The following NEK7 variants were observed in gnomAD, a reference collection of about 807,000 sequenced individuals.
NEK7 encodes NIMA related kinase 7, also known as serine/threonine-protein kinase Nek7.
Under a neutral mutation model 44.6 loss-of-function variants are expected in NEK7, and 18 were observed. The ratio of observed to expected loss-of-function variants is 0.40; its 90% CI spans 0.28 to 0.60. The LOEUF is 0.60. Ranked by LOEUF, NEK7 falls within the 20% of genes least tolerant of loss-of-function variation. NEK7 has a pLI of 0.38. For missense variants in NEK7, 256 were observed against 366.5 expected (o/e 0.70, Z 2.46); for synonymous variants, 130 against 121.1 (o/e 1.07, Z -0.48).
chr1:198,244,007 T>C (rs1558074454), intron 2 of NEK7, among the ~76,000 whole-genome samples: 1 of 147,228 alleles, frequency 6.8e-6, no homozygotes, highest in Non-Finnish European at 1.5e-5. Context: ...TGTAGGTGGG[T>C]AACACCTTTT....
At chr1:198,224,290 A>T (rs1046921527) in intron 1 of NEK7, among the ~76,000 whole-genome samples, 11 of 147,070 alleles carry the variant, frequency 7.5e-5, no homozygotes, top group African/African-American at 2.8e-4. Context: ...ATGTTTAGAT[A>T]CAAAAATACT....
chr1:198,309,495 G>C (rs1008467847), intron 9 of NEK7, among the ~76,000 whole-genome samples: 27 of 152,028 alleles, frequency 1.8e-4, no homozygotes, highest in African/African-American at 6.5e-4. Context: ...TGTGCACAAT[G>C]TGCAGGTTAG....
intron 5 of NEK7, among the ~76,000 whole-genome samples, chr1:198,275,539 T>C (rs1315629970): frequency 6.6e-6 from 1 of 151,252 alleles, no homozygotes; most frequent in African/African-American, 2.4e-5. Context: ...TATATAGGGC[T>C]GCCTTTTTTC....
chr1:198,263,991 GA>G (rs1275535428), intron 4 of NEK7, 133 bp from the exon 5 acceptor site: 5 of 803,118 alleles, frequency 6.2e-6, no homozygotes, highest in Non-Finnish European at 8.7e-6. Context: ...ATTCACTAAA[GA>G]AAAGTATACT....
intron 9 of NEK7, among the ~76,000 whole-genome samples, chr1:198,298,052 A>C (rs1047927857): frequency 3.3e-5 from 5 of 152,190 alleles, no homozygotes; most frequent in African/African-American, 1.2e-4. Flanking sequence ...GAATAGCAGT[A>C]TCTCAGGTCA....
Position 198,303,211 on chromosome 1 carries a change from A to G in NEK7, c.798+5971A>G, listed in dbSNP as rs188536600. Among the ~76,000 whole-genome samples, 15 of 152,292 alleles carry G rather than the reference A, an allele frequency of 9.8e-5. No homozygotes were observed. The East Asian group carries it at 2.5e-3, about 25-fold the overall frequency. ...TGAAAAACCAAGCATATATCTCAAG[A>G]TAGCAAATATGTTGATCCATAATAT... On this transcript the variant is annotated intron_variant, in intron 9 of 9. Coordinates refer to ENST00000367385, the MANE Select transcript of NEK7 (RefSeq NM_133494.3).
At chr1:198,305,104 T>TTTATCTTACTTA (rs373338965) in intron 9 of NEK7, among the ~76,000 whole-genome samples, 23,588 of 152,122 alleles carry the variant, frequency 0.16, 2,442 homozygotes, top group South Asian at 0.26. Context: ...AACCATGAAA[T>TTTATCTTACTTA]GCTTACTTAG....
At chr1:198,315,442 G>A (rs946345863) in intron 9 of NEK7, among the ~76,000 whole-genome samples, 4 of 152,168 alleles carry the variant, frequency 2.6e-5, no homozygotes, top group African/African-American at 9.7e-5. Flanking sequence ...GTTCCTATTC[G>A]GCCATCTTGG....
chr1:198,286,348 C>T (rs1463426739), intron 7 of NEK7, among the ~76,000 whole-genome samples: 1 of 151,868 alleles, frequency 6.6e-6, no homozygotes, highest in East Asian at 1.9e-4. Flanking sequence ...AATGTATTGG[C>T]TTCTCCTGCT....
intron 1 of NEK7, among the ~76,000 whole-genome samples, chr1:198,160,102 T>C (rs919637959): frequency 2.0e-4 from 30 of 152,358 alleles, no homozygotes; most frequent in African/African-American, 7.0e-4. Context: ...TTAGAGACTT[T>C]TACAGTGTTT....
At chr1:198,285,202 G>A (rs956466172) in intron 7 of NEK7, among the ~76,000 whole-genome samples, 55 of 152,180 alleles carry the variant, frequency 3.6e-4, no homozygotes, top group African/African-American at 1.1e-3. Flanking sequence ...TGAGGACAGA[G>A]ATCTTTGTGT....
intron 9 of NEK7, among the ~76,000 whole-genome samples, chr1:198,318,964 C>G (rs961168823): frequency 2.6e-5 from 4 of 151,848 alleles, no homozygotes; most frequent in Non-Finnish European, 2.9e-5. Flanking sequence ...TATATTTGTA[C>G]AAAATGGTTC....
At chr1:198,220,189 A>T (rs558004486) in intron 1 of NEK7, among the ~76,000 whole-genome samples, 1 of 152,134 alleles carries the variant, frequency 6.6e-6, no homozygotes, top group Non-Finnish European at 1.5e-5. Context: ...TTACTCTCAA[A>T]TTGTACCAAA....
chr1:198,264,276 T>C (rs1007965058), intron 5 of NEK7, 41 bp downstream of exon 5: 1 of 1,425,344 alleles, frequency 7.0e-7, no homozygotes, highest in Non-Finnish European at 9.7e-7. Flanking sequence ...TGTTTTGTTT[T>C]TTTTTCTAAT....
intron 1 of NEK7, among the ~76,000 whole-genome samples, chr1:198,226,523 C>T (rs1666230114): frequency 6.7e-6 from 1 of 150,256 alleles, no homozygotes. Flanking sequence ...CCAGCCTGGG[C>T]GACACAGCGA....
intron 9 of NEK7, among the ~76,000 whole-genome samples, chr1:198,311,632 G>C (rs976647576): frequency 6.6e-6 from 1 of 152,092 alleles, no homozygotes; most frequent in Non-Finnish European, 1.5e-5. Context: ...AATTTATTGA[G>C]AGTTTTTAGC....
intron 1 of NEK7, among the ~76,000 whole-genome samples, chr1:198,193,935 C>G (rs1273036142): frequency 6.6e-6 from 1 of 152,158 alleles, no homozygotes; most frequent in East Asian, 1.9e-4. Flanking sequence ...TCTCACCACT[C>G]CTATTCAACA....
At chr1:198,285,934 A>G (rs562160555) in intron 7 of NEK7, among the ~76,000 whole-genome samples, 1 of 152,242 alleles carries the variant, frequency 6.6e-6, no homozygotes, top group East Asian at 1.9e-4. Flanking sequence ...GTGAGCCGTT[A>G]GGAAATTTAC....
rs561778419 is a variant in NEK7, at chr1:198,268,276, A to T, written c.372+4041A>T. On this transcript the variant is annotated intron_variant, in intron 5 of 9. Coordinates refer to ENST00000367385, the MANE Select transcript of NEK7 (RefSeq NM_133494.3). Reference sequence around the variant, plus strand: ...AGCGCTCTTTAAATTCTGACTCTATATGGCTCAATATGTCTGTAAACAAAT... The same window carrying T: ...AGCGCTCTTTAAATTCTGACTCTATTTGGCTCAATATGTCTGTAAACAAAT... Among the ~76,000 whole-genome samples the T allele has an allele frequency of 1.6e-3, 246 of 151,738 alleles. 2 individuals carry two copies. The highest frequency in any genetic ancestry group is 5.8e-3 in the African/African-American group (239 of 41,336).
Sources: allele counts gnomAD v4.1 joint callset (sites outside exome capture counted in the v4.1 genomes callset), GRCh38; gene constraint gnomAD v4.1.1; transcripts MANE v1.5; gene names NCBI Gene and HGNC (gene_info 2026-07-23, HGNC 2026-07-21).